PEBP4: variants seen among roughly 807,000 people sequenced by gnomAD.
PEBP4 encodes the protein phosphatidylethanolamine binding protein 4.
PEBP4 carries 22 observed loss-of-function variants against 23.9 expected under a neutral mutation model. The ratio of observed to expected loss-of-function variants is 0.92; its 90% confidence interval spans 0.66 to 1.31. PEBP4 has a LOEUF of 1.31. PEBP4 is among the 40% of genes most tolerant of loss of function. The pLI is 0.00. For missense variants in PEBP4, 324 were observed against 281.7 expected, an observed-to-expected ratio of 1.15 and a Z score of -1.07; for synonymous variants, 112 against 99.3, an observed-to-expected ratio of 1.13 and a Z score of -0.76.
At chr8:22,840,621 A>G (rs4394396) in intron 3 of PEBP4, among the ~76,000 whole-genome samples, 118,626 of 152,090 alleles carry the variant, frequency 0.78, 47,225 homozygotes, top group East Asian at 0.99. Context: ...GAGTTACCTT[A>G]GGAACACCCA....
chr8:22,779,466 T>C (rs146316212), intron 4 of PEBP4, among the ~76,000 whole-genome samples: 63 of 152,012 alleles, frequency 4.1e-4, no homozygotes, highest in African/African-American at 1.4e-3. Context: ...CAAAGAGCTC[T>C]AAGGGTCTTT....
intron 6 of PEBP4, among the ~76,000 whole-genome samples, chr8:22,716,067 G>A (rs1223500058): frequency 2.6e-5 from 4 of 152,158 alleles, no homozygotes; most frequent in African/African-American, 9.7e-5. Flanking sequence ...ACGAGGGTAG[G>A]GGCAGTGTGG....
intron 4 of PEBP4, among the ~76,000 whole-genome samples, chr8:22,754,345 G>A (rs1170115344): frequency 6.6e-6 from 1 of 152,232 alleles, no homozygotes; most frequent in Non-Finnish European, 1.5e-5. Flanking sequence ...CTCTGTGACT[G>A]AATCCTCACT....
chr8:22,862,279 C>T (rs939884330), intron 3 of PEBP4, among the ~76,000 whole-genome samples: 1 of 152,162 alleles, frequency 6.6e-6, no homozygotes, highest in African/African-American at 2.4e-5. Context: ...CCCATGATGT[C>T]TTCCAGCTAT....
intron 4 of PEBP4, among the ~76,000 whole-genome samples, chr8:22,788,280 A>C (rs561593793): frequency 4.6e-5 from 7 of 152,206 alleles, no homozygotes; most frequent in Admixed American, 4.6e-4. Flanking sequence ...CAAGAACTGC[A>C]TGTTTCCATC....
At chr8:22,894,080 C>A (rs1265988461) in intron 3 of PEBP4, among the ~76,000 whole-genome samples, 2 of 152,038 alleles carry the variant, frequency 1.3e-5, no homozygotes, top group Non-Finnish European at 2.9e-5. Context: ...ACTGGCAGCC[C>A]GCGGCATATA....
chr8:22,866,542 A>C (rs1328635139), intron 3 of PEBP4, among the ~76,000 whole-genome samples: 1 of 152,142 alleles, frequency 6.6e-6, no homozygotes, highest in African/African-American at 2.4e-5. Flanking sequence ...TGCCACCAGG[A>C]TTTGAACCCA....
At chr8:22,834,819 G>C (rs1406967963) in intron 3 of PEBP4, among the ~76,000 whole-genome samples, 1 of 152,204 alleles carries the variant, frequency 6.6e-6, no homozygotes, top group African/African-American at 2.4e-5. Flanking sequence ...ACTGAGAGGG[G>C]ACAAGTGTGT....
chr8:22,849,993 TG>T (rs1807517808), intron 3 of PEBP4, among the ~76,000 whole-genome samples: 1 of 151,500 alleles, frequency 6.6e-6, no homozygotes, highest in Admixed American at 6.6e-5. Flanking sequence ...GTGGGGGCAG[TG>T]GGCACAGAAG....
intron 3 of PEBP4, among the ~76,000 whole-genome samples, chr8:22,873,568 G>C (rs1808055588): frequency 1.3e-5 from 2 of 152,118 alleles, no homozygotes; most frequent in African/African-American, 2.4e-5. Flanking sequence ...GGTGTTCAAG[G>C]CTGCAGTGAG....
At chr8:22,760,218 A>G (rs1407492101) in intron 4 of PEBP4, among the ~76,000 whole-genome samples, 4 of 152,170 alleles carry the variant, frequency 2.6e-5, no homozygotes, top group African/African-American at 9.7e-5. Context: ...TGAGGCTTAG[A>G]GCAGTTAAAT....
intron 4 of PEBP4, among the ~76,000 whole-genome samples, chr8:22,761,902 A>G (rs1217488680): frequency 6.6e-6 from 1 of 152,120 alleles, no homozygotes; most frequent in Admixed American, 6.5e-5. Context: ...TTATATGGCA[A>G]TCATTAGTTT....
At chr8:22,850,970 A>T (rs1041715922) in intron 3 of PEBP4, among the ~76,000 whole-genome samples, 2 of 152,242 alleles carry the variant, frequency 1.3e-5, no homozygotes, top group African/African-American at 4.8e-5. Context: ...CTCAGAAAGC[A>T]TCTTGGGCAT....
chr8:22,759,732 C>T (rs1424068862), intron 4 of PEBP4, among the ~76,000 whole-genome samples: 1 of 152,192 alleles, frequency 6.6e-6, no homozygotes, highest in African/African-American at 2.4e-5. Flanking sequence ...CCTCGAGAAG[C>T]CCCCATCACC....
chr8:22,730,416 C>G (rs1409368714), intron 4 of PEBP4, among the ~76,000 whole-genome samples: 2 of 152,238 alleles, frequency 1.3e-5, no homozygotes. Flanking sequence ...TGGCCCATGC[C>G]TGTAGTCTCA....
At chr8:22,843,766 C>T (rs1807372122) in intron 3 of PEBP4, among the ~76,000 whole-genome samples, 1 of 152,134 alleles carries the variant, frequency 6.6e-6, no homozygotes, top group Non-Finnish European at 1.5e-5. Flanking sequence ...AGGGCCACTC[C>T]TGAGTTATCT....
chr8:22,925,657 C>A (rs118017449), intron 2 of PEBP4, among the ~76,000 whole-genome samples: 5,798 of 152,238 alleles, frequency 0.038, 178 homozygotes, highest in Non-Finnish European at 0.054. Flanking sequence ...GAGCCTAGGG[C>A]ATCTGGAGCC....
At chr8:22,912,514 G>A (rs1163202942) in intron 3 of PEBP4, among the ~76,000 whole-genome samples, 2 of 152,196 alleles carry the variant, frequency 1.3e-5, no homozygotes, top group African/African-American at 4.8e-5. Flanking sequence ...TTGACTGCAA[G>A]CCAGGGAAGC....
chr8:22,727,792 G>C (rs1563196037), intron 4 of PEBP4, among the ~76,000 whole-genome samples: 1 of 152,156 alleles, frequency 6.6e-6, no homozygotes, highest in Admixed American at 6.5e-5. Flanking sequence ...CCCACCCTCA[G>C]TTAACTCAGC....
Sources: allele counts gnomAD v4.1 joint callset (sites outside exome capture counted in the v4.1 genomes callset), GRCh38; gene constraint gnomAD v4.1.1; transcripts MANE v1.5; gene names NCBI Gene and HGNC (gene_info 2026-07-23, HGNC 2026-07-21).